WDFY3: variants seen among roughly 807,000 people sequenced by gnomAD.
WDFY3 encodes the protein WD repeat and FYVE domain-containing protein 3.
Under a neutral mutation model 409.6 loss-of-function variants are expected in WDFY3, and 66 were observed. The observed-to-expected ratio is 0.16, with a 90% CI of 0.13 to 0.20. The LOEUF is 0.20. Ranked by LOEUF, WDFY3 falls within the 10% of genes least tolerant of loss-of-function variation. WDFY3 has a pLI of 1.00. For synonymous variants in WDFY3, 1,521 were observed against 1,537.1 expected, an observed-to-expected ratio of 0.99 and a Z score of 0.25; for missense variants, 3,031 against 4,298.1, an observed-to-expected ratio of 0.71 and a Z score of 8.24.
chr4:84,740,111 C>CA (rs1014681305), intron 39 of WDFY3, 76 bp downstream of exon 39: 180 of 1,411,874 alleles, frequency 1.3e-4, no homozygotes, highest in Non-Finnish European at 1.5e-4. Context: ...ATGTTACTAT[C>CA]AAAAAAAATA....
At chr4:84,695,509 TAGAGAG>T (rs869147060) in intron 58 of WDFY3, among the ~76,000 whole-genome samples, 3,773 of 107,342 alleles carry the variant, frequency 0.035, 43 homozygotes, top group African/African-American at 0.067. Context: ...CAGAGAGAGA[TAGAGAG>T]AGAGAGAGAG....
At chr4:84,736,642 A>G (rs1272669827) in intron 41 of WDFY3, among the ~76,000 whole-genome samples, 1 of 152,186 alleles carries the variant, frequency 6.6e-6, no homozygotes, top group Non-Finnish European at 1.5e-5. Context: ...TGTTGGGTAT[A>G]CTTCGCAACT....
At chr4:84,895,110 C>T (rs1765459622) in intron 3 of WDFY3, among the ~76,000 whole-genome samples, 1 of 152,086 alleles carries the variant, frequency 6.6e-6, no homozygotes, top group African/African-American at 2.4e-5. Flanking sequence ...AGTGACCTCA[C>T]ATGGTTATAA....
Position 84,718,640 on chromosome 4 carries a change from C to T in WDFY3, c.7606-70G>A, listed in dbSNP as rs17368178. The T allele has an allele frequency of 0.028, 42,547 of 1,541,000 alleles. 851 individuals are homozygous for T. Among genetic ancestry groups the T allele is most frequent in the Non-Finnish European group, 0.029 (33,224 of 1,136,682 alleles). On this transcript the variant is annotated intron_variant, in intron 47 of 67. Coordinates refer to ENST00000295888, the MANE Select transcript of WDFY3 (RefSeq NM_014991.6). ...AAGATCAATTTTTGTTAGACTACTACGGCATCCCTAGAGCTAAGCATATTA... is the reference window on the plus strand; with the variant it reads ...AAGATCAATTTTTGTTAGACTACTATGGCATCCCTAGAGCTAAGCATATTA...
chr4:84,719,599 T>C (rs974664235), intron 47 of WDFY3, among the ~76,000 whole-genome samples: 1 of 152,234 alleles, frequency 6.6e-6, no homozygotes, highest in South Asian at 2.1e-4. Context: ...ATTGCTACAT[T>C]TGATCAATCC....
chr4:84,772,059 C>T (rs1744768430), intron 30 of WDFY3, among the ~76,000 whole-genome samples: 1 of 152,150 alleles, frequency 6.6e-6, no homozygotes, highest in Non-Finnish European at 1.5e-5. Context: ...GATACTACAA[C>T]AGTTCTTCTC....
At chr4:84,923,176 C>T (rs1195680257) in intron 2 of WDFY3, among the ~76,000 whole-genome samples, 2 of 152,124 alleles carry the variant, frequency 1.3e-5, no homozygotes. Context: ...ACAGCAGGTA[C>T]AAGAAGATCA....
chr4:84,825,356 T>C (rs868008889), intron 10 of WDFY3, among the ~76,000 whole-genome samples: 1 of 150,404 alleles, frequency 6.6e-6, no homozygotes, highest in African/African-American at 2.4e-5. Flanking sequence ...GAGAAGTCTC[T>C]ATTTTTTTTT....
intron 6 of WDFY3, 88 bp downstream of exon 6, chr4:84,841,066 G>C (rs759700254): frequency 9.8e-7 from 1 of 1,018,246 alleles, no homozygotes; most frequent in African/African-American, 1.6e-5. Context: ...ATCTCATTTG[G>C]ATATAATGAT....
chr4:84,802,999 T>A (rs1750884421), intron 16 of WDFY3, among the ~76,000 whole-genome samples: 1 of 152,210 alleles, frequency 6.6e-6, no homozygotes, highest in Admixed American at 6.5e-5. Flanking sequence ...TATTATTCGT[T>A]AGCAATGTCC....
chr4:84,767,536 T>C (rs913154832), intron 30 of WDFY3, among the ~76,000 whole-genome samples: 1 of 152,114 alleles, frequency 6.6e-6, no homozygotes, highest in East Asian at 1.9e-4. Flanking sequence ...AGCTGGCCTC[T>C]TGTGCTAAAA....
At chr4:84,934,220 G>C (rs1449108353) in intron 1 of WDFY3, among the ~76,000 whole-genome samples, 1 of 152,072 alleles carries the variant, frequency 6.6e-6, no homozygotes, top group Non-Finnish European at 1.5e-5. Context: ...CCATTTTAAT[G>C]GGACGAGTTG....
chr4:84,735,132 T>C lies in WDFY3; in HGVS notation c.6916-12A>G. The C allele has an allele frequency of 6.2e-7, 1 of 1,607,820 alleles. No homozygotes were observed. Among genetic ancestry groups the C allele is most frequent in the Non-Finnish European group, 8.5e-7 (1 of 1,177,672 alleles). ...CACTGCGAAATCTCCTAACAATGGA[T>C]GGAAAAAGAGTCTTAATATTTCATG... On this transcript the variant is annotated splice_polypyrimidine_tract_variant and intron_variant, in intron 42 of 67. Coordinates refer to ENST00000295888, the MANE Select transcript of WDFY3 (RefSeq NM_014991.6).
chr4:84,844,544 G>C (rs1300576018), intron 5 of WDFY3: 2 of 1,287,642 alleles, frequency 1.6e-6, no homozygotes, highest in African/African-American at 3.0e-5. Flanking sequence ...GTCTAAGTAG[G>C]GATTCACTAA....
chr4:84,849,767 AAAG>A (rs1758626462), intron 5 of WDFY3, 132 bp downstream of exon 5: 5 of 1,243,866 alleles, frequency 4.0e-6, no homozygotes, highest in Admixed American at 2.6e-5. Flanking sequence ...TGACTCTAAG[AAAG>A]GGAAAGGGAA....
intron 1 of WDFY3, among the ~76,000 whole-genome samples, chr4:84,961,989 C>A (rs1407753653): frequency 6.6e-6 from 1 of 152,224 alleles, no homozygotes; most frequent in Non-Finnish European, 1.5e-5. Context: ...TTGTCCCTCA[C>A]ATAGACCTGT....
At chr4:84,769,783 T>C (rs1744334998) in intron 30 of WDFY3, among the ~76,000 whole-genome samples, 1 of 152,142 alleles carries the variant, frequency 6.6e-6, no homozygotes, top group Non-Finnish European at 1.5e-5. Flanking sequence ...CAGTATGATA[T>C]TTCAATACAT....
chr4:84,841,044 GATT>G, intron 6 of WDFY3, 107 bp downstream of exon 6: 1 of 867,630 alleles, frequency 1.2e-6, no homozygotes, highest in East Asian at 2.7e-5. Context: ...GAATACAAAT[GATT>G]ATCATAGTAT....
At position 84,696,846 on chromosome 4, in the gene WDFY3, A is replaced by G. The variant is rs200385370; in HGVS notation, c.8597-23T>C. ...AGCCTATGCAATTGGATACATTAAA[A>G]ATAAAAAAAAAGAAAGAATGGGATA... On this transcript the variant is annotated intron_variant, in intron 56 of 67. Transcript: ENST00000295888. 4.5e-5 allele frequency: 71 copies of G among 1,593,804 alleles called. No individual in the cohort carries two copies. In the Middle Eastern group the frequency reaches 1.0e-3, roughly 23 times the overall value.
Sources: allele counts gnomAD v4.1 joint callset (sites outside exome capture counted in the v4.1 genomes callset), GRCh38; gene constraint gnomAD v4.1.1; transcripts MANE v1.5; gene names NCBI Gene and HGNC (gene_info 2026-07-23, HGNC 2026-07-21).